Variants in NCOR1 observed in about 807,000 individuals in gnomAD.
NCOR1 encodes the protein protein phosphatase 1, regulatory subunit 109.
In NCOR1, 63 loss-of-function variants were observed where a neutral mutation model predicts 288.1. That is an observed-to-expected ratio of 0.22 (90% confidence interval 0.18 to 0.27). NCOR1 has a LOEUF of 0.27. Among genes scored for constraint, NCOR1 ranks in the 10% least tolerant of loss-of-function variants. The pLI is 1.00. For synonymous variants in NCOR1, 1,007 were observed against 1,065.9 expected (o/e 0.94, Z 1.08); for missense variants, 2,397 against 3,019.2 (o/e 0.79, Z 4.83).
At chr17:16,041,891 T>C (rs1287252619) in intron 42 of NCOR1, among the ~76,000 whole-genome samples, 5 of 152,124 alleles carry the variant, frequency 3.3e-5, no homozygotes, top group South Asian at 2.1e-4. Context: ...CGCCCGCCAC[T>C]ATGCCTGGCT....
intron 3 of NCOR1, among the ~76,000 whole-genome samples, chr17:16,177,128 A>ACCTTAAGCCACATCTACTTTATT: frequency 6.6e-6 from 1 of 152,016 alleles, no homozygotes; most frequent in South Asian, 2.1e-4. Flanking sequence ...GACAAGGTTT[A>ACCTTAAGCCACATCTACTTTATT]CCTTAAGCCA....
At chr17:16,175,096 C>T (rs369237283) in intron 3 of NCOR1, among the ~76,000 whole-genome samples, 1 of 151,820 alleles carries the variant, frequency 6.6e-6, no homozygotes, top group African/African-American at 2.4e-5. Context: ...GGCAAGATGC[C>T]GTGGCTCACG....
At chr17:16,179,957 C>CAAAAA (rs34531259) in intron 3 of NCOR1, among the ~76,000 whole-genome samples, 215 of 75,104 alleles carry the variant, frequency 2.9e-3, no homozygotes, top group African/African-American at 6.3e-3. Context: ...GACTCTGTCT[C>CAAAAA]AAAAAAAAAA....
intron 14 of NCOR1, among the ~76,000 whole-genome samples, chr17:16,127,518 T>A (rs781449125): frequency 1.4e-5 from 2 of 147,378 alleles, no homozygotes; most frequent in South Asian, 4.2e-4. Flanking sequence ...TATGTGTATA[T>A]ACACACGTGT....
chr17:16,083,457 C>T (rs2063721004), intron 23 of NCOR1, among the ~76,000 whole-genome samples: 2 of 151,896 alleles, frequency 1.3e-5, no homozygotes, highest in African/African-American at 4.8e-5. Context: ...TAAAGCGCTG[C>T]TGAGAGATAT....
chr17:16,193,388 G>T (rs1402139549), intron 2 of NCOR1, among the ~76,000 whole-genome samples: 1 of 151,918 alleles, frequency 6.6e-6, no homozygotes, highest in Non-Finnish European at 1.5e-5. Flanking sequence ...CTGCCACGAT[G>T]CCTGGCTACT....
chr17:16,177,481 C>T (rs1020750044), intron 3 of NCOR1, among the ~76,000 whole-genome samples: 34 of 152,200 alleles, frequency 2.2e-4, no homozygotes, highest in African/African-American at 7.7e-4. Flanking sequence ...TTCTCTTTGG[C>T]GTGGGATAGT....
intron 19 of NCOR1, among the ~76,000 whole-genome samples, chr17:16,108,546 T>C (rs1317858562): frequency 6.6e-6 from 1 of 152,212 alleles, no homozygotes; most frequent in African/African-American, 2.4e-5. Context: ...TTTATTGATG[T>C]TGGCACTTGA....
Position 16,058,588 on chromosome 17 carries a change from T to C in NCOR1, c.5893A>G (p.Arg1965Gly). The C allele has an allele frequency of 6.3e-7, 1 of 1,597,158 alleles. No homozygotes were observed. The highest frequency in any genetic ancestry group is 8.5e-7 in the Non-Finnish European group (1 of 1,173,044). Residue 1965 changes from arginine to glycine, a missense_variant, in exon 38 of 46, where the codon AGG becomes GGG. By Grantham distance (125) the Arg-to-Gly change is moderately radical. This residue lies in a region of NCOR1 where 1,872 missense variants were observed against 2,187.8 expected (regional missense o/e 0.86). Coordinates refer to ENST00000268712, the MANE Select transcript of NCOR1 (RefSeq NM_006311.4). ...ATAGCATCGCTAGGTGTTTCATACCTGTGAGAAGATACTTTAAGAAAAGAA... is the reference window on the plus strand; with the variant it reads ...ATAGCATCGCTAGGTGTTTCATACCCGTGAGAAGATACTTTAAGAAAAGAA... ...SDSSSSLSSH[R>G]YETPSDAIEV... is the part of the protein sequence containing the mutation.
At chr17:16,061,351 T>A (rs750160157) in intron 37 of NCOR1, 50 bp downstream of exon 37, 6 of 1,573,088 alleles carry the variant, frequency 3.8e-6, no homozygotes, top group Non-Finnish European at 5.2e-6. Flanking sequence ...AAGAATAAAG[T>A]AATTCTTTAC....
At position 16,179,617 on chromosome 17, in the gene NCOR1, A is replaced by G. The variant is rs551420337; in HGVS notation, c.242+6937T>C. On this transcript the variant is annotated intron_variant, in intron 3 of 45. Coordinates refer to ENST00000268712, the MANE Select transcript of NCOR1 (RefSeq NM_006311.4). ...GAGGGACTATTTCCCAACACATTAT[A>G]TGAGAGAAACTTAACTCAAAGGCAT... is the stretch of plus-strand genomic sequence containing the variant. Among the ~76,000 whole-genome samples, 6 of 152,376 alleles carry G rather than the reference A, an allele frequency of 3.9e-5. No individual in the cohort carries two copies. The East Asian group carries it at 1.2e-3, about 29-fold the overall frequency.
intron 40 of NCOR1, among the ~76,000 whole-genome samples, chr17:16,050,959 A>G (rs2059241301): frequency 6.6e-6 from 1 of 152,120 alleles, no homozygotes; most frequent in Admixed American, 6.5e-5. Context: ...CAGGCTCCCA[A>G]GTAGCTGGGA....
chr17:16,079,550 C>CATT (rs2063071665), intron 26 of NCOR1, among the ~76,000 whole-genome samples: 2 of 152,306 alleles, frequency 1.3e-5, no homozygotes, highest in Admixed American at 1.3e-4. Context: ...CCTGGTTTAG[C>CATT]ATTAGATTCT....
At chr17:16,071,765 T>A (rs905583741) in intron 29 of NCOR1, 100 bp from the exon 30 acceptor site, 8 of 1,118,760 alleles carry the variant, frequency 7.2e-6, no homozygotes, top group Non-Finnish European at 1.0e-5. Context: ...TAAATTTTGT[T>A]ACATATATTT....
At chr17:16,157,460 ATTTAT>A (rs1473742061) in intron 6 of NCOR1, among the ~76,000 whole-genome samples, 1 of 151,996 alleles carries the variant, frequency 6.6e-6, no homozygotes, top group Admixed American at 6.6e-5. Context: ...ATAAATGTGT[ATTTAT>A]TTATTTATTT....
intron 15 of NCOR1, chr17:16,122,550 T>C (rs907278150): frequency 6.6e-6 from 1 of 152,200 alleles, no homozygotes; most frequent in African/African-American, 2.4e-5. Context: ...TTTATATCAC[T>C]TGAAACTCAG....
Position 16,068,034 on chromosome 17 carries a change from G to A in NCOR1, c.4601C>T (p.Pro1534Leu). 6.2e-7 allele frequency: 1 copy of A among 1,614,180 alleles called. No homozygotes were observed. Among genetic ancestry groups the A allele is most frequent in the Non-Finnish European group, 8.5e-7 (1 of 1,180,022 alleles). The change falls in exon 32 of 46, where the codon CCA becomes CTA. Residue 1534 changes from proline to leucine, a missense_variant. Physicochemically the swap from Pro to Leu is moderately conservative, Grantham distance 98 (BLOSUM62 -3). Around this residue, in one of 11 missense-constraint regions of NCOR1, gnomAD observed 1,872 missense variants for 2,187.8 expected, o/e 0.86. Coordinates refer to ENST00000268712, the MANE Select transcript of NCOR1 (RefSeq NM_006311.4). ...CACGACAGGGTCCACCCCAGGCACT[G>A]GAGACTTCGCTGGGATACTTTCCCT... ...TQRESIPAKS[P>L]VPGVDPVVSH...
chr17:16,096,298 T>C (rs1271682887), intron 21 of NCOR1, among the ~76,000 whole-genome samples: 1 of 149,048 alleles, frequency 6.7e-6, no homozygotes, highest in East Asian at 2.0e-4. Context: ...CCAAGAATGA[T>C]CAATAAAAAA....
chr17:16,073,212 T>G (rs1003243319), intron 28 of NCOR1, among the ~76,000 whole-genome samples: 1 of 152,192 alleles, frequency 6.6e-6, no homozygotes, highest in African/African-American at 2.4e-5. Context: ...ACGCTTAAAT[T>G]TGACTTCCTT....
Sources: gnomAD v4.1 joint callset for allele counts (sites outside exome capture counted in the v4.1 genomes callset) on GRCh38, gnomAD v4.1.1 for gene constraint, gnomAD v4.1.1 regional missense constraint, MANE v1.5 for transcripts, NCBI Gene and HGNC (gene_info 2026-07-23, HGNC 2026-07-21) for gene names.